The following NCOA1 variants were observed in gnomAD, a reference collection of about 807,000 sequenced individuals.
The protein encoded by NCOA1 is nuclear receptor coactivator 1.
Under a neutral mutation model 150.9 loss-of-function variants are expected in NCOA1, and 35 were observed. The observed-to-expected ratio is 0.23, with a 90% confidence interval of 0.18 to 0.31. The LOEUF (loss-of-function observed/expected upper bound fraction) is 0.31. NCOA1 is among the 10% of genes least tolerant of loss of function. The pLI is 1.00. For missense variants in NCOA1, 1,491 were observed against 1,749.3 expected (o/e 0.85, Z 2.63); for synonymous variants, 590 against 630.0 (o/e 0.94, Z 0.95).
chr2:24,663,165 C>T (rs1671263068), intron 5 of NCOA1, among the ~76,000 whole-genome samples: 1 of 152,126 alleles, frequency 6.6e-6, no homozygotes, highest in Non-Finnish European at 1.5e-5. Context: ...ATCTGGACCA[C>T]ATCTCTTGCC....
chr2:24,649,403 C>T (rs771850964), intron 4 of NCOA1, among the ~76,000 whole-genome samples: 33 of 152,216 alleles, frequency 2.2e-4, no homozygotes, highest in Non-Finnish European at 4.0e-4. Flanking sequence ...ATAGTTAGGA[C>T]GACTGATTTT....
intron 1 of NCOA1, among the ~76,000 whole-genome samples, chr2:24,539,928 G>A (rs889250898): frequency 2.0e-5 from 3 of 152,302 alleles, no homozygotes; most frequent in South Asian, 4.1e-4. Flanking sequence ...TAAAGGATCT[G>A]TTTCCATGTG....
chr2:24,499,083 CATG>C (rs1663346210), intron 1 of NCOA1, among the ~76,000 whole-genome samples: 1 of 152,082 alleles, frequency 6.6e-6, no homozygotes, highest in Non-Finnish European at 1.5e-5. Flanking sequence ...ATGCATATTG[CATG>C]ATACTTGCCC....
At chr2:24,622,381 C>T (rs554952541) in intron 3 of NCOA1, among the ~76,000 whole-genome samples, 5 of 152,300 alleles carry the variant, frequency 3.3e-5, no homozygotes, top group South Asian at 2.1e-4. Flanking sequence ...ACTCTCCACC[C>T]TGAGCTGTGA....
chr2:24,726,941 A>C (rs1674657751), intron 15 of NCOA1, among the ~76,000 whole-genome samples: 1 of 151,790 alleles, frequency 6.6e-6, no homozygotes, highest in Non-Finnish European at 1.5e-5. Flanking sequence ...GTTTGAGATC[A>C]GCCTGGCCAA....
At chr2:24,554,936 AG>A (rs1454427363) in intron 1 of NCOA1, among the ~76,000 whole-genome samples, 11 of 152,284 alleles carry the variant, frequency 7.2e-5, no homozygotes, top group African/African-American at 2.2e-4. Flanking sequence ...ATCCCAGACG[AG>A]GTTCCCAATA....
chr2:24,589,707 A>G (rs772214612), intron 3 of NCOA1, among the ~76,000 whole-genome samples: 3 of 151,816 alleles, frequency 2.0e-5, no homozygotes, highest in Non-Finnish European at 2.9e-5. Flanking sequence ...GCCACGTGTC[A>G]GGGAAGTTCC....
intron 1 of NCOA1, among the ~76,000 whole-genome samples, chr2:24,537,381 A>C (rs1184245337): frequency 6.6e-6 from 1 of 152,024 alleles, no homozygotes; most frequent in Non-Finnish European, 1.5e-5. Context: ...ACATGGAAAA[A>C]TATTGTATGA....
At chr2:24,635,160 C>A (rs1487582507) in intron 3 of NCOA1, among the ~76,000 whole-genome samples, 2 of 152,074 alleles carry the variant, frequency 1.3e-5, no homozygotes, top group South Asian at 4.2e-4. Context: ...CTGCATCATT[C>A]TTCCCCCCAT....
chr2:24,760,935 C>A lies in NCOA1; in HGVS notation c.4066-1752C>A, dbSNP rs949730350. On this transcript the variant is annotated intron_variant, in intron 21 of 22. Transcript: ENST00000348332. The stretch of plus-strand genomic sequence containing the variant: ...CAGTCTCCACTCACTGTAACCTCCA[C>A]CTCCTGGGTTCAAGCAATTCTCCTG... Among the ~76,000 whole-genome samples, 3 of 152,230 alleles carry A rather than the reference C, an allele frequency of 2.0e-5. No individual in the cohort carries two copies. In the East Asian group the frequency reaches 5.8e-4, roughly 29 times the overall value.
At chr2:24,701,681 C>T (rs910431339) in intron 11 of NCOA1, among the ~76,000 whole-genome samples, 1 of 152,184 alleles carries the variant, frequency 6.6e-6, no homozygotes, top group Non-Finnish European at 1.5e-5. Flanking sequence ...TCTCTATTAA[C>T]TTTATATTAA....
chr2:24,663,494 G>T (rs1671277537), intron 5 of NCOA1, among the ~76,000 whole-genome samples: 1 of 152,148 alleles, frequency 6.6e-6, no homozygotes, highest in Non-Finnish European at 1.5e-5. Flanking sequence ...AGGAGTATTT[G>T]TTGAGTTAGC....
intron 21 of NCOA1, among the ~76,000 whole-genome samples, chr2:24,760,897 G>C (rs925311504): frequency 6.6e-6 from 1 of 151,992 alleles, no homozygotes; most frequent in African/African-American, 2.4e-5. Flanking sequence ...ACCCAGGCTG[G>C]AGTGTAATGG....
intron 4 of NCOA1, among the ~76,000 whole-genome samples, chr2:24,649,481 CTA>C (rs1670620030): frequency 6.6e-6 from 1 of 152,284 alleles, no homozygotes; most frequent in African/African-American, 2.4e-5. Flanking sequence ...CTGCATAACT[CTA>C]TGTCACTCTT....
intron 5 of NCOA1, among the ~76,000 whole-genome samples, chr2:24,659,797 C>A (rs1292143851): frequency 1.3e-5 from 2 of 152,010 alleles, no homozygotes; most frequent in African/African-American, 4.8e-5. Flanking sequence ...TTAGCAGTAT[C>A]CCTGCTTCTA....
At chr2:24,717,472 C>T (rs1472305892) in intron 14 of NCOA1, among the ~76,000 whole-genome samples, 5 of 152,054 alleles carry the variant, frequency 3.3e-5, no homozygotes, top group Non-Finnish European at 5.9e-5. Context: ...CAGGAGTTGC[C>T]AGGGGTTTGT....
In NCOA1 at chr2:24,516,953, CAA is replaced by C. The variant is rs1179487696; in HGVS notation, c.-396+25352_-396+25353del. Among the ~76,000 whole-genome samples the C allele has an allele frequency of 2.0e-3, 38 of 19,162 alleles. 1 individual carries two copies. The highest frequency in any genetic ancestry group is 0.012 in the East Asian group (1 of 84). 12.6% of individuals were successfully genotyped at this position (19,162 alleles called of 152,430 possible). On this transcript the variant is annotated intron_variant, in intron 1 of 22. Coordinates refer to ENST00000348332, the MANE Select transcript of NCOA1 (RefSeq NM_003743.5). Reference sequence around the variant, plus strand: ...GTGTGTATATATATACGTATATATACAAGTATATATACGTATATATACACATA... The same window carrying C: ...GTGTGTATATATATACGTATATATACGTATATATACGTATATATACACATA...
At chr2:24,621,196 G>A (rs985413450) in intron 3 of NCOA1, among the ~76,000 whole-genome samples, 1 of 152,010 alleles carries the variant, frequency 6.6e-6, no homozygotes, top group African/African-American at 2.4e-5. Context: ...CCTGGAATAT[G>A]GCATGTGAAA....
chr2:24,629,817 C>CATATACAT (rs1553439184), intron 3 of NCOA1, among the ~76,000 whole-genome samples: 5 of 79,342 alleles, frequency 6.3e-5, no homozygotes, highest in African/African-American at 2.2e-4. Flanking sequence ...AACATACATA[C>CATATACAT]ATATATATAT....
Sources: allele counts gnomAD v4.1 joint callset (sites outside exome capture counted in the v4.1 genomes callset), GRCh38; gene constraint gnomAD v4.1.1; transcripts MANE v1.5; gene names NCBI Gene and HGNC (gene_info 2026-07-23, HGNC 2026-07-21).